GNG7: variants seen among roughly 807,000 people sequenced by gnomAD.
The protein encoded by GNG7 is guanine nucleotide-binding protein G(I)/G(S)/G(O) subunit gamma-7.
Under a neutral mutation model 4.0 loss-of-function variants are expected in GNG7, and 1 was observed. That is an observed-to-expected ratio of 0.25 (90% CI 0.09 to 1.18). GNG7 has a LOEUF of 1.18. GNG7 is among the 50% of genes most tolerant of loss of function. GNG7 has a pLI of 0.50. For synonymous variants in GNG7, 34 were observed against 36.9 expected (o/e 0.92, Z 0.29); for missense variants, 86 against 91.9 (o/e 0.94, Z 0.26).
intron 1 of GNG7, among the ~76,000 whole-genome samples, chr19:2,678,285 C>G (rs1318421241): frequency 1.3e-5 from 2 of 152,120 alleles, no homozygotes; most frequent in Admixed American, 6.5e-5. Context: ...GCGAGATATA[C>G]AAGAAGTGAA....
intron 1 of GNG7, among the ~76,000 whole-genome samples, chr19:2,675,112 T>C (rs1354634425): frequency 6.6e-6 from 1 of 152,156 alleles, no homozygotes; most frequent in African/African-American, 2.4e-5. Flanking sequence ...TGCTTTAGCT[T>C]CTCCAAACAA....
At chr19:2,574,435 T>C (rs1980246168) in intron 2 of GNG7, among the ~76,000 whole-genome samples, 1 of 152,218 alleles carries the variant, frequency 6.6e-6, no homozygotes, top group Admixed American at 6.5e-5. Context: ...CCTGTCTCTG[T>C]GAATCTGACG....
chr19:2,700,655 TC>T (rs1484931059), intron 1 of GNG7: 1 of 152,160 alleles, frequency 6.6e-6, no homozygotes, highest in East Asian at 1.9e-4. Flanking sequence ...TAGGAAATAG[TC>T]CATGCATACA....
chr19:2,637,666 C>T (rs1982352541), intron 2 of GNG7, among the ~76,000 whole-genome samples: 2 of 152,256 alleles, frequency 1.3e-5, no homozygotes, highest in African/African-American at 4.8e-5. Flanking sequence ...GTCCCCTCTA[C>T]TGGGGCCTCC....
intron 1 of GNG7, among the ~76,000 whole-genome samples, chr19:2,699,872 G>T (rs138449927): frequency 6.6e-6 from 1 of 152,128 alleles, no homozygotes; most frequent in Non-Finnish European, 1.5e-5. Context: ...AATTTCAAGC[G>T]TATAATCACA....
At chr19:2,685,167 G>A (rs1268238710) in intron 1 of GNG7, among the ~76,000 whole-genome samples, 2 of 151,814 alleles carry the variant, frequency 1.3e-5, no homozygotes, top group East Asian at 3.9e-4. Flanking sequence ...TAGGATGGGA[G>A]TGCCAGGGGC....
rs955084077 is a variant in GNG7, at chr19:2,561,894, T to C, written c.-77-6706A>G. On this transcript the variant is annotated intron_variant, in intron 2 of 4. Transcript: ENST00000382159. The stretch of plus-strand genomic sequence containing the variant: ...AAAACTCTGTCTAAAAAAAAAGAAA[T>C]GACACTGGCTTCTTTCTCTTCTTTG... Among the ~76,000 whole-genome samples the C allele has an allele frequency of 4.6e-5, 7 of 151,650 alleles. No individual in the cohort carries two copies. The East Asian group carries it at 1.2e-3, about 25-fold the overall frequency.
Position 2,514,985 on chromosome 19 carries a change from A to AG in GNG7, c.*36_*37insC, listed in dbSNP as rs1972712340. ...GACAGAGACAGAGAGAGAGAGAGAG[A>AG]AAGAGAGAGAGAGAGAGAGAACATA... On this transcript the variant is annotated 3_prime_UTR_variant, in exon 5 of 5. Transcript: ENST00000382159. 5 of 1,343,056 alleles carry AG rather than the reference A, an allele frequency of 3.7e-6. No individual in the cohort carries two copies. The highest frequency in any genetic ancestry group is 5.2e-6 in the Non-Finnish European group (5 of 959,516). 83.2% of individuals were successfully genotyped at this position (1,343,056 alleles called of 1,614,324 possible). A position where few individuals can be genotyped will look rare whatever the true frequency, so the allele number is the denominator to read the frequency against.
chr19:2,534,000 C>T (rs926200464), intron 3 of GNG7, among the ~76,000 whole-genome samples: 2 of 152,076 alleles, frequency 1.3e-5, no homozygotes, highest in Non-Finnish European at 2.9e-5. Flanking sequence ...TTTTATTATA[C>T]GATTTTTATT....
intron 1 of GNG7, among the ~76,000 whole-genome samples, chr19:2,680,836 G>T (rs2144898769): frequency 6.6e-6 from 1 of 152,100 alleles, no homozygotes; most frequent in South Asian, 2.1e-4. Context: ...ACAGGGTCTT[G>T]CTCTGTTGCT....
chr19:2,619,561 G>A lies in GNG7; in HGVS notation c.-78+26663C>T, dbSNP rs896261890. On this transcript the variant is annotated intron_variant, in intron 2 of 4. Transcript: ENST00000382159. Reference sequence around the variant, plus strand: ...TTCTGTCCCACCTGGTACAGCAAACGCCACCATGGAGCAGGACTCAGCCAT... The same window carrying A: ...TTCTGTCCCACCTGGTACAGCAAACACCACCATGGAGCAGGACTCAGCCAT... Among the ~76,000 whole-genome samples the A allele has an allele frequency of 4.6e-5, 7 of 152,176 alleles. No homozygotes were observed. The East Asian group carries it at 7.7e-4, about 17-fold the overall frequency.
At position 2,575,057 on chromosome 19, in the gene GNG7, TTTTTC is replaced by T. The variant is rs1017921203; in HGVS notation, c.-77-19874_-77-19870del. ...AAGGCTGGTTGGAATCTCTCTTTCT[TTTTTC>T]TTTTTCTTTCCTTTTTTTCTTTCTT... On this transcript the variant is annotated intron_variant, in intron 2 of 4. Transcript: ENST00000382159. Among the ~76,000 whole-genome samples the T allele has an allele frequency of 8.1e-4, 123 of 151,640 alleles. 1 individual carries two copies. Among genetic ancestry groups the T allele is most frequent in the African/African-American group, 2.8e-3 (117 of 41,194 alleles).
At chr19:2,616,927 A>G (rs1396131097) in intron 2 of GNG7, among the ~76,000 whole-genome samples, 2 of 152,098 alleles carry the variant, frequency 1.3e-5, no homozygotes, top group African/African-American at 4.8e-5. Flanking sequence ...GGGTCACGGG[A>G]TAAGTGCAGC....
intron 2 of GNG7, among the ~76,000 whole-genome samples, chr19:2,560,954 CAAAA>C (rs33963257): frequency 1.5e-5 from 2 of 132,596 alleles, no homozygotes; most frequent in Non-Finnish European, 1.6e-5. Context: ...GAGACTGTTT[CAAAA>C]AAAAAAAAAA....
intron 2 of GNG7, among the ~76,000 whole-genome samples, chr19:2,623,388 T>C (rs1360071233): frequency 2.0e-5 from 3 of 151,916 alleles, no homozygotes; most frequent in Non-Finnish European, 4.4e-5. Flanking sequence ...CAGATACTTG[T>C]ACTGTTCACT....
In GNG7 at chr19:2,512,072, C is replaced by T; in HGVS notation, c.*2950G>A. The T allele has an allele frequency of 2.0e-6, 2 of 985,932 alleles. No homozygotes were observed. The highest frequency in any genetic ancestry group is 1.1e-4 in the East Asian group (1 of 8,804). The allele number at this position is 985,932 out of a possible 1,614,324, so 61.1% of individuals were successfully genotyped here. On this transcript the variant is annotated 3_prime_UTR_variant, in exon 5 of 5. Transcript: ENST00000382159. This position sits in a 1 kb window ranked among gnomAD's most constrained non-coding sequence, Gnocchi z 4.7. Reference sequence around the variant, plus strand: ...ACGGCCTTCTCTCTCCCACCCGACGCTGCCTTGTGTGTGTGCGTGGGTGGG... The same window carrying T: ...ACGGCCTTCTCTCTCCCACCCGACGTTGCCTTGTGTGTGTGCGTGGGTGGG...
chr19:2,539,792 A>C (rs1272618233), intron 3 of GNG7, among the ~76,000 whole-genome samples: 2 of 152,008 alleles, frequency 1.3e-5, no homozygotes, highest in East Asian at 3.9e-4. Flanking sequence ...CAGTGGCCTA[A>C]AGTTCTGCAT....
chr19:2,615,749 C>T (rs1981708020), intron 2 of GNG7, among the ~76,000 whole-genome samples: 1 of 152,178 alleles, frequency 6.6e-6, no homozygotes, highest in African/African-American at 2.4e-5. Flanking sequence ...AGGCATGAGC[C>T]ACCACGCCTG....
At chr19:2,585,354 T>A (rs545755057) in intron 2 of GNG7, among the ~76,000 whole-genome samples, 7 of 152,230 alleles carry the variant, frequency 4.6e-5, no homozygotes, top group African/African-American at 1.2e-4. Context: ...TATACATACA[T>A]ATCCACCTGC....
Sources: gnomAD v4.1 joint callset for allele counts (sites outside exome capture counted in the v4.1 genomes callset) on GRCh38, gnomAD v4.1.1 for gene constraint, Gnocchi (gnomAD v3.1) non-coding constraint, MANE v1.5 for transcripts, NCBI Gene and HGNC (gene_info 2026-07-23, HGNC 2026-07-21) for gene names.